Variants in ATE1 observed in about 807,000 individuals in gnomAD.
ATE1 encodes the protein arginyltransferase 1.
A neutral mutation model predicts 70.5 loss-of-function variants in ATE1; 36 were observed. The observed-to-expected ratio is 0.51, with a 90% CI of 0.39 to 0.67. The LOEUF (loss-of-function observed/expected upper bound fraction) is 0.67. Ranked by LOEUF, ATE1 falls within the 30% of genes least tolerant of loss-of-function variation. The pLI is 0.00. For synonymous variants in ATE1, 232 were observed against 219.3 expected (o/e 1.06, Z -0.51); for missense variants, 593 against 629.5 (o/e 0.94, Z 0.62).
intron 11 of ATE1, among the ~76,000 whole-genome samples, chr10:121,753,852 T>C (rs1486016334): frequency 6.6e-6 from 1 of 152,132 alleles, no homozygotes; most frequent in Non-Finnish European, 1.5e-5. Flanking sequence ...GAGAGGGAAG[T>C]TGGTTTATGT....
chr10:121,902,148 C>G (rs7098562), intron 6 of ATE1, among the ~76,000 whole-genome samples: 20,038 of 152,078 alleles, frequency 0.13, 1,504 homozygotes, highest in East Asian at 0.19. Flanking sequence ...ACACTGTTTT[C>G]ACAAGTTTGG....
chr10:121,928,156 G>C, upstream of ATE1: 1 of 1,276,134 alleles, frequency 7.8e-7, no homozygotes, highest in Non-Finnish European at 9.9e-7. Flanking sequence ...CACTATTTCC[G>C]TTCCTTCTCC....
intron 10 of ATE1, among the ~76,000 whole-genome samples, chr10:121,794,637 G>T (rs1286083357): frequency 2.1e-5 from 1 of 46,830 alleles, no homozygotes; most frequent in Non-Finnish European, 4.4e-5. Context: ...AAAAAAAGGA[G>T]AAGAGAATAC....
At chr10:121,819,816 C>G (rs999937433) in intron 10 of ATE1, among the ~76,000 whole-genome samples, 13 of 151,764 alleles carry the variant, frequency 8.6e-5, no homozygotes, top group Non-Finnish European at 2.9e-5. Flanking sequence ...TCCCCGCCCC[C>G]CAACAAAAAC....
intron 7 of ATE1, among the ~76,000 whole-genome samples, chr10:121,891,566 G>A (rs1590644970): frequency 1.3e-5 from 2 of 152,070 alleles, no homozygotes; most frequent in Admixed American, 6.6e-5. Flanking sequence ...AAAATTCCAC[G>A]GAGAACTTTT....
At chr10:121,904,110 G>C (rs1040517555) in intron 5 of ATE1, among the ~76,000 whole-genome samples, 1 of 151,462 alleles carries the variant, frequency 6.6e-6, no homozygotes, top group African/African-American at 2.4e-5. Flanking sequence ...AGCCTCCAGA[G>C]TAGCTGGGAA....
chr10:121,919,665 C>T (rs1047512490), intron 3 of ATE1, among the ~76,000 whole-genome samples: 1 of 151,832 alleles, frequency 6.6e-6, no homozygotes, highest in Non-Finnish European at 1.5e-5. Flanking sequence ...CCTGAAATCC[C>T]AGCACTTTGA....
At chr10:121,899,105 A>G in intron 7 of ATE1, 1 of 914,040 alleles carries the variant, frequency 1.1e-6, no homozygotes, top group Non-Finnish European at 1.6e-6. Flanking sequence ...AAGAAACCTT[A>G]GACGAGGCAG....
At chr10:121,870,871 T>C (rs930904618) in intron 7 of ATE1, among the ~76,000 whole-genome samples, 1 of 152,196 alleles carries the variant, frequency 6.6e-6, no homozygotes, top group Non-Finnish European at 1.5e-5. Flanking sequence ...ATTTACAGAT[T>C]CAACATTTCA....
chr10:121,786,541 C>T (rs1241639552), intron 11 of ATE1, among the ~76,000 whole-genome samples: 1 of 151,816 alleles, frequency 6.6e-6, no homozygotes, highest in African/African-American at 2.4e-5. Flanking sequence ...TGGTGATGTG[C>T]ACCTGTAGTC....
intron 1 of ATE1, among the ~76,000 whole-genome samples, chr10:121,926,441 C>A (rs4752622): frequency 0.02 from 3,035 of 152,090 alleles, 41 homozygotes; most frequent in Middle Eastern, 0.037. Context: ...TAAGTAGATG[C>A]CCCATAATAA....
intron 5 of ATE1, among the ~76,000 whole-genome samples, chr10:121,904,382 C>T (rs1306985841): frequency 1.3e-5 from 2 of 151,238 alleles, no homozygotes; most frequent in African/African-American, 4.9e-5. Flanking sequence ...TGGCTCATGC[C>T]TGTAATCCCA....
chr10:121,928,213 G>A (rs926237703), upstream of ATE1: 2 of 1,331,734 alleles, frequency 1.5e-6, no homozygotes, highest in African/African-American at 1.5e-5. Context: ...GAGACAGAGC[G>A]GGAAGGGAAA....
At chr10:121,788,605 AC>A (rs1355186039) in intron 11 of ATE1, among the ~76,000 whole-genome samples, 2 of 151,632 alleles carry the variant, frequency 1.3e-5, no homozygotes, top group Non-Finnish European at 2.9e-5. Flanking sequence ...CCCTTTCCCC[AC>A]CCCCTTATCT....
chr10:121,894,576 A>G (rs1245825180), intron 7 of ATE1, among the ~76,000 whole-genome samples: 2 of 152,114 alleles, frequency 1.3e-5, no homozygotes, highest in African/African-American at 4.8e-5. Flanking sequence ...AACTCCTACA[A>G]CTCAGTAACA....
intron 7 of ATE1, among the ~76,000 whole-genome samples, chr10:121,872,004 A>G (rs1806884749): frequency 6.6e-6 from 1 of 152,228 alleles, no homozygotes; most frequent in Non-Finnish European, 1.5e-5. Context: ...TGCCAGTTCA[A>G]AGCCTAGCCA....
chr10:121,847,277 T>A (rs1425465664), intron 8 of ATE1, among the ~76,000 whole-genome samples: 2 of 151,956 alleles, frequency 1.3e-5, no homozygotes, highest in Non-Finnish European at 2.9e-5. Context: ...TGAAACCCTG[T>A]CGCTACTAAA....
chr10:121,822,727 T>C (rs1050606660), intron 10 of ATE1, among the ~76,000 whole-genome samples: 3 of 152,190 alleles, frequency 2.0e-5, no homozygotes, highest in Non-Finnish European at 4.4e-5. Flanking sequence ...CAGAGTCACC[T>C]TTCACATGCA....
At chr10:121,750,343 T>C (rs1352563788) in intron 11 of ATE1, among the ~76,000 whole-genome samples, 1 of 152,254 alleles carries the variant, frequency 6.6e-6, no homozygotes, top group Admixed American at 6.5e-5. Context: ...CTTAAAAATA[T>C]GTTCCAACTA....
Sources: allele counts gnomAD v4.1 joint callset (sites outside exome capture counted in the v4.1 genomes callset), GRCh38; gene constraint gnomAD v4.1.1; transcripts MANE v1.5; gene names NCBI Gene and HGNC (gene_info 2026-07-23, HGNC 2026-07-21).